Variants in LRFN5 observed in about 807,000 individuals in gnomAD.
LRFN5 encodes leucine rich repeat and fibronectin type III domain containing 5.
LRFN5 carries 24 observed loss-of-function variants against 45.6 expected under a neutral mutation model. The ratio of observed to expected loss-of-function variants is 0.53; its 90% CI spans 0.38 to 0.74. The LOEUF (loss-of-function observed/expected upper bound fraction) is 0.74. Among genes scored for constraint, LRFN5 ranks in the 30% least tolerant of loss-of-function variants. The pLI, the probability that LRFN5 is intolerant of heterozygous loss-of-function variation, is 0.00. For missense variants in LRFN5, 776 were observed against 861.5 expected, an observed-to-expected ratio of 0.90 and a Z score of 1.24; for synonymous variants, 340 against 313.8, an observed-to-expected ratio of 1.08 and a Z score of -0.88.
chr14:41,848,910 A>G (rs1409290466), intron 2 of LRFN5, among the ~76,000 whole-genome samples: 1 of 151,896 alleles, frequency 6.6e-6, no homozygotes, highest in African/African-American at 2.4e-5. Flanking sequence ...GAATACTTCT[A>G]GGCTTCAAGT....
intron 1 of LRFN5, among the ~76,000 whole-genome samples, chr14:41,661,883 G>T (rs1028438838): frequency 5.3e-5 from 8 of 151,982 alleles, no homozygotes; most frequent in Admixed American, 2.0e-4. Flanking sequence ...GACATAAGGG[G>T]TTATTATAGA....
chr14:41,696,587 G>A (rs1358491435), intron 1 of LRFN5, among the ~76,000 whole-genome samples: 3 of 67,130 alleles, frequency 4.5e-5, no homozygotes, highest in Non-Finnish European at 5.1e-5. Flanking sequence ...TATATTCTCA[G>A]AAGAGCAATT....
intron 1 of LRFN5, among the ~76,000 whole-genome samples, chr14:41,724,969 CT>C (rs199541714): frequency 6.6e-6 from 1 of 151,834 alleles, no homozygotes; most frequent in Non-Finnish European, 1.5e-5. Context: ...TCAGATTATC[CT>C]TTTTTTTAAC....
At chr14:41,621,475 AT>A (rs1387923100) in intron 1 of LRFN5, among the ~76,000 whole-genome samples, 3 of 152,258 alleles carry the variant, frequency 2.0e-5, no homozygotes, top group Non-Finnish European at 4.4e-5. Context: ...GAAATGATAA[AT>A]TGGCTATGTA....
intron 1 of LRFN5, among the ~76,000 whole-genome samples, chr14:41,757,259 G>A (rs936097130): frequency 1.4e-4 from 21 of 152,146 alleles, no homozygotes; most frequent in Non-Finnish European, 2.5e-4. Context: ...CTGCGTGCTG[G>A]GAGAACCACT....
At chr14:41,690,006 A>G (rs1376321790) in intron 1 of LRFN5, among the ~76,000 whole-genome samples, 1 of 152,088 alleles carries the variant, frequency 6.6e-6, no homozygotes, top group Non-Finnish European at 1.5e-5. Flanking sequence ...AACTTTTTAC[A>G]AACTCTCTTT....
At chr14:41,862,157 T>C (rs1352845520) in intron 2 of LRFN5, among the ~76,000 whole-genome samples, 1 of 152,236 alleles carries the variant, frequency 6.6e-6, no homozygotes, top group Admixed American at 6.5e-5. Flanking sequence ...AAACCTCTTT[T>C]CGTTATAAAT....
intron 2 of LRFN5, among the ~76,000 whole-genome samples, chr14:41,848,603 A>C: frequency 6.6e-6 from 1 of 152,024 alleles, no homozygotes; most frequent in East Asian, 1.9e-4. Flanking sequence ...ACTGTTGGTC[A>C]TGGGATCAGG....
At chr14:41,832,130 G>T (rs1385072060) in intron 2 of LRFN5, among the ~76,000 whole-genome samples, 2 of 152,088 alleles carry the variant, frequency 1.3e-5, no homozygotes, top group Non-Finnish European at 2.9e-5. Context: ...ATTTTGTGGG[G>T]AGGCACAATT....
intron 2 of LRFN5, among the ~76,000 whole-genome samples, chr14:41,773,066 A>G (rs1886148558): frequency 1.3e-5 from 2 of 152,188 alleles, no homozygotes; most frequent in South Asian, 4.1e-4. Flanking sequence ...TGACCTCAGT[A>G]AAGACCATTA....
intron 2 of LRFN5, among the ~76,000 whole-genome samples, chr14:41,822,853 GTT>G (rs3032270): frequency 0.31 from 42,635 of 136,080 alleles, 6,757 homozygotes; most frequent in African/African-American, 0.4. Context: ...ATTTAGGGTT[GTT>G]TTTTTTTTTT....
At chr14:41,723,950 T>A (rs2138776862) in intron 1 of LRFN5, among the ~76,000 whole-genome samples, 1 of 152,318 alleles carries the variant, frequency 6.6e-6, no homozygotes, top group African/African-American at 2.4e-5. Context: ...ACACTTTTCA[T>A]GGTATCTTTC....
At chr14:41,621,565 C>T (rs1034049501) in intron 1 of LRFN5, among the ~76,000 whole-genome samples, 6 of 152,040 alleles carry the variant, frequency 3.9e-5, no homozygotes, top group African/African-American at 1.2e-4. Context: ...ATGACGGTCC[C>T]GAGCTTGTTG....
intron 1 of LRFN5, among the ~76,000 whole-genome samples, chr14:41,615,570 A>C (rs998535832): frequency 1.3e-5 from 2 of 152,084 alleles, no homozygotes; most frequent in African/African-American, 4.8e-5. Flanking sequence ...TTGTTATCCA[A>C]ATTTTTGCTG....
intron 2 of LRFN5, among the ~76,000 whole-genome samples, chr14:41,858,885 T>C (rs1281756667): frequency 6.6e-6 from 1 of 152,200 alleles, no homozygotes. Flanking sequence ...ATCCCTACTT[T>C]GTAGCATTGT....
intron 1 of LRFN5, among the ~76,000 whole-genome samples, chr14:41,623,878 T>G (rs1172946501): frequency 2.0e-5 from 3 of 152,090 alleles, no homozygotes; most frequent in Non-Finnish European, 2.9e-5. Flanking sequence ...ACTCTAAAAT[T>G]TATTAACTAA....
intron 1 of LRFN5, among the ~76,000 whole-genome samples, chr14:41,713,621 A>G (rs1883372829): frequency 1.3e-5 from 2 of 152,288 alleles, no homozygotes; most frequent in East Asian, 1.9e-4. Context: ...AAACCTATAG[A>G]AGTACTTTCA....
Position 41,621,766 on chromosome 14 carries a change from C to A in LRFN5, c.-197+13204C>A, listed in dbSNP as rs1021075540. ...ATCGCAGGATTATTTTCAGGCATAG[C>A]TTGGCTCAGTATTTAAAAAGTTGAA... is the stretch of plus-strand genomic sequence containing the variant. On this transcript the variant is annotated intron_variant, in intron 1 of 5. Coordinates refer to ENST00000298119, the MANE Select transcript of LRFN5 (RefSeq NM_152447.5). 2.8e-4 allele frequency among the ~76,000 whole-genome samples: 42 copies of A among 152,082 alleles called. 2 individuals are homozygous for A. Among genetic ancestry groups the A allele is most frequent in the Non-Finnish European group, 1.0e-4 (7 of 68,006 alleles).
At chr14:41,775,905 G>T (rs1242441389) in intron 2 of LRFN5, among the ~76,000 whole-genome samples, 1 of 152,112 alleles carries the variant, frequency 6.6e-6, no homozygotes, top group Non-Finnish European at 1.5e-5. Context: ...AAAATTTTCG[G>T]TCAGATTTAC....
Sources: gnomAD v4.1 joint callset for allele counts (sites outside exome capture counted in the v4.1 genomes callset) on GRCh38, gnomAD v4.1.1 for gene constraint, MANE v1.5 for transcripts, NCBI Gene and HGNC (gene_info 2026-07-23, HGNC 2026-07-21) for gene names.